SYT14: variants seen among roughly 807,000 people sequenced by gnomAD.
SYT14 encodes synaptotagmin-14.
In SYT14, 32 loss-of-function variants were observed where a neutral mutation model predicts 74.2. The ratio of observed to expected loss-of-function variants is 0.43; its 90% CI spans 0.33 to 0.58. SYT14 has a LOEUF of 0.58. SYT14 is among the 20% of genes least tolerant of loss of function. The probability of loss-of-function intolerance (pLI) is 0.05; values close to 1 mark genes in which losing one functional copy is unlikely to be tolerated. For synonymous variants in SYT14, 298 were observed against 337.7 expected, an observed-to-expected ratio of 0.88 and a Z score of 1.29; for missense variants, 791 against 981.8, an observed-to-expected ratio of 0.81 and a Z score of 2.60.
exon 10 of SYT14, chr1:210,161,473 G>A (rs1193708776): frequency 2.2e-6 from 1 of 454,230 alleles, no homozygotes; most frequent in Non-Finnish European, 4.4e-6. Context: ...CCTGGTGTTT[G>A]TAATGTTCTT....
At chr1:210,019,494 G>A (rs2080260043) in intron 4 of SYT14, among the ~76,000 whole-genome samples, 1 of 151,718 alleles carries the variant, frequency 6.6e-6, no homozygotes, top group African/African-American at 2.4e-5. Context: ...TTTAATTTCT[G>A]TTTAATTTTA....
intron 5 of SYT14, among the ~76,000 whole-genome samples, chr1:210,082,475 C>A (rs1161183298): frequency 6.6e-6 from 1 of 152,122 alleles, no homozygotes; most frequent in Non-Finnish European, 1.5e-5. Flanking sequence ...TGGTATATCA[C>A]TAGATATAAT....
rs2082320404 is a variant in SYT14, at chr1:210,114,458, G to A, written c.2034+13997G>A. On this transcript the variant is annotated intron_variant, in intron 7 of 9. Transcript: ENST00000637265. ...AATCAAGTCCTGTTGTGGGGTTTGA[G>A]GGCTGGAATTTAATTTTTGGAGCTT... Among the ~76,000 whole-genome samples the A allele has an allele frequency of 1.3e-5, 2 of 151,224 alleles. 1 individual carries two copies. Among genetic ancestry groups the A allele is most frequent in the African/African-American group, 4.9e-5 (2 of 40,550 alleles).
At chr1:210,094,695 C>A in intron 6 of SYT14, 102 bp downstream of exon 5, 4 of 1,332,286 alleles carry the variant, frequency 3.0e-6, no homozygotes, top group Admixed American at 1.8e-5. Context: ...TCACTTATTC[C>A]TTTGTAACTT....
intron 2 of SYT14, among the ~76,000 whole-genome samples, chr1:209,979,703 C>G (rs898714297): frequency 2.0e-5 from 3 of 152,124 alleles, no homozygotes; most frequent in African/African-American, 7.2e-5. Flanking sequence ...GAACATGTGG[C>G]ATTTGGATTT....
chr1:209,971,293 T>C (rs960978609), intron 2 of SYT14, among the ~76,000 whole-genome samples: 2 of 152,138 alleles, frequency 1.3e-5, no homozygotes, highest in African/African-American at 4.8e-5. Flanking sequence ...GTGGAGTCTT[T>C]AGGGTTTTCT....
intron 7 of SYT14, among the ~76,000 whole-genome samples, chr1:210,106,791 C>G (rs1372031401): frequency 6.6e-6 from 1 of 152,058 alleles, no homozygotes; most frequent in South Asian, 2.1e-4. Context: ...TGGCCACCCC[C>G]GCAAATCTCA....
At chr1:209,962,425 G>C (rs557385097) in intron 2 of SYT14, among the ~76,000 whole-genome samples, 3 of 151,924 alleles carry the variant, frequency 2.0e-5, no homozygotes, top group Middle Eastern at 6.8e-3. Context: ...CAATTAGGTT[G>C]TGAATTTATA....
chr1:210,050,057 C>T (rs922817223), intron 5 of SYT14, among the ~76,000 whole-genome samples: 2 of 152,158 alleles, frequency 1.3e-5, no homozygotes. Context: ...TGAATTTCAC[C>T]TCAGAAAATG....
At chr1:210,016,908 A>G in exon 4 of SYT14, 1 of 1,231,662 alleles carries the variant, frequency 8.1e-7, no homozygotes, top group East Asian at 3.2e-5. Flanking sequence ...ATTATAAAAG[A>G]AGACATACAT....
chr1:210,084,781 A>G (rs1237571374), intron 5 of SYT14, among the ~76,000 whole-genome samples: 2 of 152,072 alleles, frequency 1.3e-5, no homozygotes, highest in Admixed American at 6.6e-5. Flanking sequence ...CAATAAGAAG[A>G]CTCCATCTGG....
At chr1:210,146,612 T>G (rs1170191766) in intron 7 of SYT14, among the ~76,000 whole-genome samples, 1 of 151,624 alleles carries the variant, frequency 6.6e-6, no homozygotes, top group Non-Finnish European at 1.5e-5. Flanking sequence ...AGAAAGAAGG[T>G]TTTTGAAATT....
At chr1:210,042,639 T>C (rs1000343338) in intron 5 of SYT14, among the ~76,000 whole-genome samples, 2 of 152,214 alleles carry the variant, frequency 1.3e-5, no homozygotes, top group African/African-American at 2.4e-5. Flanking sequence ...TTGCTTGTTT[T>C]TGTCAGGTTT....
intron 5 of SYT14, among the ~76,000 whole-genome samples, chr1:210,073,130 C>A (rs563413651): frequency 2.4e-3 from 364 of 151,872 alleles, no homozygotes; most frequent in Non-Finnish European, 4.2e-3. Context: ...ATTATACAAC[C>A]TTTTCCCCCT....
At chr1:209,992,235 C>T (rs987698274) in intron 2 of SYT14, among the ~76,000 whole-genome samples, 43 of 152,014 alleles carry the variant, frequency 2.8e-4, no homozygotes, top group African/African-American at 1.0e-3. Context: ...TCCTTGAACT[C>T]CTGGGTTCAA....
At chr1:209,996,355 G>A (rs1037045946) in intron 2 of SYT14, among the ~76,000 whole-genome samples, 1 of 152,098 alleles carries the variant, frequency 6.6e-6, no homozygotes, top group Admixed American at 6.5e-5. Flanking sequence ...AAATCTAGAG[G>A]AAGTGTATAA....
At chr1:209,991,153 G>A (rs1029512119) in intron 2 of SYT14, among the ~76,000 whole-genome samples, 1 of 152,144 alleles carries the variant, frequency 6.6e-6, no homozygotes, top group Non-Finnish European at 1.5e-5. Context: ...AGCCTTAAAT[G>A]TAAGTCCTGA....
At chr1:209,978,690 T>C (rs1349514836) in intron 2 of SYT14, among the ~76,000 whole-genome samples, 1 of 152,204 alleles carries the variant, frequency 6.6e-6, no homozygotes, top group African/African-American at 2.4e-5. Flanking sequence ...CGTTCTCAGA[T>C]CTCCAGCTGC....
At chr1:210,074,071 T>A (rs2081444693) in intron 5 of SYT14, among the ~76,000 whole-genome samples, 1 of 152,192 alleles carries the variant, frequency 6.6e-6, no homozygotes, top group Non-Finnish European at 1.5e-5. Context: ...CCATGGCCTT[T>A]TCTCAAGAAC....
Sources: allele counts gnomAD v4.1 joint callset (sites outside exome capture counted in the v4.1 genomes callset), GRCh38; gene constraint gnomAD v4.1.1; transcripts MANE v1.5; gene names NCBI Gene and HGNC (gene_info 2026-07-23, HGNC 2026-07-21).